Variants in ATP11B observed in about 807,000 individuals in gnomAD.
ATP11B encodes the protein phospholipid-transporting ATPase IF.
In ATP11B, 81 loss-of-function variants were observed where a neutral mutation model predicts 157.8. The ratio of observed to expected loss-of-function variants is 0.51; its 90% CI spans 0.43 to 0.62. The LOEUF (loss-of-function observed/expected upper bound fraction) is 0.62, where lower values mean the gene tolerates loss of function less well. Ranked by LOEUF, ATP11B falls within the 20% of genes least tolerant of loss-of-function variation. ATP11B has a pLI of 0.00. For missense variants in ATP11B, 1,165 were observed against 1,402.2 expected, an observed-to-expected ratio of 0.83 and a Z score of 2.70; for synonymous variants, 451 against 469.4, an observed-to-expected ratio of 0.96 and a Z score of 0.51.
intron 10 of ATP11B, among the ~76,000 whole-genome samples, chr3:182,854,497 C>T (rs942176791): frequency 1.5e-5 from 2 of 135,094 alleles, no homozygotes; most frequent in Non-Finnish European, 3.4e-5. Flanking sequence ...CAAAACAAAA[C>T]AAAAAATACT....
chr3:182,803,280 T>C (rs915858619), intron 1 of ATP11B, among the ~76,000 whole-genome samples: 1 of 152,220 alleles, frequency 6.6e-6, no homozygotes, highest in Non-Finnish European at 1.5e-5. Context: ...TGTCTCATTT[T>C]GTTCTAATTT....
At chr3:182,818,957 T>A (rs139193792) in intron 1 of ATP11B, among the ~76,000 whole-genome samples, 3 of 150,798 alleles carry the variant, frequency 2.0e-5, no homozygotes, top group Admixed American at 1.3e-4. Context: ...ACCTAAGGAA[T>A]TTTGAATCGT....
chr3:182,794,514 TC>T (rs2108475687), intron 1 of ATP11B, among the ~76,000 whole-genome samples: 1 of 152,284 alleles, frequency 6.6e-6, no homozygotes, highest in Non-Finnish European at 1.5e-5. Context: ...CTTACTTTTT[TC>T]CCGTTCTCCT....
chr3:182,829,938 T>C, intron 4 of ATP11B, 186 bp downstream of exon 4: 4 of 985,312 alleles, frequency 4.1e-6, no homozygotes, highest in Non-Finnish European at 4.8e-6. Context: ...TGGTGACTCA[T>C]GGAATGATTA....
intron 25 of ATP11B, among the ~76,000 whole-genome samples, chr3:182,891,162 G>C (rs1723149233): frequency 6.6e-6 from 1 of 152,148 alleles, no homozygotes; most frequent in African/African-American, 2.4e-5. Context: ...ATATGAGTGA[G>C]TATGCTCACT....
At chr3:182,799,660 T>C (rs572817024) in intron 1 of ATP11B, among the ~76,000 whole-genome samples, 20 of 152,274 alleles carry the variant, frequency 1.3e-4, no homozygotes, top group African/African-American at 4.6e-4. Flanking sequence ...TTAATTTTAA[T>C]TTTTTTATTC....
chr3:182,829,218 G>A (rs1014797136), intron 3 of ATP11B, among the ~76,000 whole-genome samples: 2 of 152,134 alleles, frequency 1.3e-5, no homozygotes, highest in African/African-American at 4.8e-5. Context: ...CGGAGTAAAG[G>A]AACATCATTT....
At chr3:182,880,340 A>G (rs574182520) in intron 20 of ATP11B, among the ~76,000 whole-genome samples, 4 of 152,314 alleles carry the variant, frequency 2.6e-5, no homozygotes, top group African/African-American at 9.6e-5. Context: ...ATGACAATTC[A>G]TGTACCCCAG....
intron 28 of ATP11B, 93 bp from the exon 29 acceptor site, chr3:182,913,768 C>G (rs1341365201): frequency 1.9e-6 from 3 of 1,592,606 alleles, no homozygotes; most frequent in African/African-American, 2.7e-5. Flanking sequence ...ATATATGTTA[C>G]CTTTGATTTG....
intron 25 of ATP11B, among the ~76,000 whole-genome samples, chr3:182,893,203 A>G (rs773606792): frequency 7.2e-5 from 11 of 152,092 alleles, no homozygotes; most frequent in Non-Finnish European, 1.6e-4. Context: ...TAAGCTTAAG[A>G]CTTTATTTTC....
At chr3:182,814,306 T>C (rs563522832) in intron 1 of ATP11B, among the ~76,000 whole-genome samples, 1 of 151,500 alleles carries the variant, frequency 6.6e-6, no homozygotes, top group Non-Finnish European at 1.5e-5. Flanking sequence ...CTCAGGTGAT[T>C]TGTCCACCTC....
At chr3:182,862,427 C>T (rs1468480014) in intron 12 of ATP11B, among the ~76,000 whole-genome samples, 1 of 152,174 alleles carries the variant, frequency 6.6e-6, no homozygotes, top group African/African-American at 2.4e-5. Flanking sequence ...CATTGGATAC[C>T]TGTTTTTAGT....
Position 182,870,000 on chromosome 3 carries a change from CAAAAAAGGCCTTATATTA to C in ATP11B, c.1866+671_1866+688del, listed in dbSNP as rs1252801106. On this transcript the variant is annotated intron_variant, in intron 17 of 29. Transcript: ENST00000323116. ...GAGTGTGCTGAGTGAAAGAGGCAGT[CAAAAAAGGCCTTATATTA>C]ATACTACATTTATATGAAATATCCA... Among the ~76,000 whole-genome samples the C allele has an allele frequency of 4.0e-5, 6 of 151,850 alleles. No homozygotes were observed. The East Asian group carries it at 1.2e-3, about 29-fold the overall frequency.
chr3:182,835,495 G>C (rs866477259), intron 4 of ATP11B, among the ~76,000 whole-genome samples: 1 of 152,206 alleles, frequency 6.6e-6, no homozygotes, highest in African/African-American at 2.4e-5. Context: ...CAGCTTGGTA[G>C]ATGGTGATGT....
In ATP11B at chr3:182,897,306, G is replaced by T. The variant is rs938159202; in HGVS notation, c.3052G>T (p.Ala1018Ser). 6.4e-7 allele frequency: 1 copy of T among 1,557,610 alleles called. No homozygotes were observed. Among genetic ancestry groups the T allele is most frequent in the African/African-American group, 1.4e-5 (1 of 71,232 alleles). Reference protein sequence around the residue: ...VMVITVTVKMALETHFWTWIN... With the variant: ...VMVITVTVKMSLETHFWTWIN... ...GGATATAAAAACTTTTTTTTAGATG[G>T]CTCTGGAAACTCATTTTTGGACTTG... is the stretch of plus-strand genomic sequence containing the variant. The change falls in exon 27 of 30, where the codon GCT becomes TCT. Residue 1018 changes from alanine to serine, a missense_variant. Ala to Ser is a moderately conservative substitution (Grantham distance 99). Around this residue, in one of 4 missense-constraint regions of ATP11B, gnomAD observed 303 missense variants for 296.3 expected, o/e 1.02. Coordinates refer to ENST00000323116, the MANE Select transcript of ATP11B (RefSeq NM_014616.3).
intron 28 of ATP11B, among the ~76,000 whole-genome samples, chr3:182,902,204 G>T (rs1348397161): frequency 6.6e-6 from 1 of 152,154 alleles, no homozygotes; most frequent in East Asian, 1.9e-4. Flanking sequence ...ACCAAAAGTA[G>T]CAGGAAAAAC....
At chr3:182,876,780 C>T (rs930683496) in intron 19 of ATP11B, among the ~76,000 whole-genome samples, 8 of 152,170 alleles carry the variant, frequency 5.3e-5, no homozygotes, top group Admixed American at 3.9e-4. Flanking sequence ...TAATCACTTC[C>T]GAAAAGGCCC....
At chr3:182,867,560 C>A in intron 15 of ATP11B, 116 bp downstream of exon 15, 10 of 496,108 alleles carry the variant, frequency 2.0e-5, no homozygotes, top group Non-Finnish European at 2.8e-5. Context: ...TGTTTTTCTA[C>A]AGCCCACAAG....
chr3:182,890,289 CTTAG>C (rs1484241317), intron 25 of ATP11B, among the ~76,000 whole-genome samples: 1 of 152,114 alleles, frequency 6.6e-6, no homozygotes, highest in Non-Finnish European at 1.5e-5. Context: ...GGTTGTCACT[CTTAG>C]TTTCCCTTTT....
Sources: gnomAD v4.1 joint callset for allele counts (sites outside exome capture counted in the v4.1 genomes callset) on GRCh38, gnomAD v4.1.1 for gene constraint, gnomAD v4.1.1 regional missense constraint, MANE v1.5 for transcripts, NCBI Gene and HGNC (gene_info 2026-07-23, HGNC 2026-07-21) for gene names.